The following SHROOM4 variants were observed in gnomAD, a reference collection of about 807,000 sequenced individuals.
SHROOM4 encodes the protein protein Shroom4.
In SHROOM4, 17 loss-of-function variants were observed where a neutral mutation model predicts 80.3. The ratio of observed to expected loss-of-function variants is 0.21; its 90% CI spans 0.14 to 0.32. The LOEUF (loss-of-function observed/expected upper bound fraction) is 0.32. Among genes scored for constraint, SHROOM4 ranks in the 10% least tolerant of loss-of-function variants. The pLI is 1.00. For missense variants in SHROOM4, 993 were observed against 1,140.3 expected (o/e 0.87, Z 1.86); for synonymous variants, 400 against 437.5 (o/e 0.91, Z 1.07).
At chrX:50,740,444 T>G (rs1003079613) in intron 1 of SHROOM4, among the ~76,000 whole-genome samples, 1 of 111,490 alleles carries the variant, frequency 9.0e-6, no homozygotes, top group Non-Finnish European at 1.9e-5. Flanking sequence ...ACAAAAGATA[T>G]GAAGCAAAAA....
At chrX:50,807,901 T>C (rs147344444) in intron 1 of SHROOM4, among the ~76,000 whole-genome samples, 5 of 111,792 alleles carry the variant, frequency 4.5e-5, no homozygotes, top group Non-Finnish European at 7.5e-5. Context: ...TGGTATGACA[T>C]GGCCGCCAGA....
rs1160877894 is a variant in SHROOM4 at position 50,596,564 on chromosome X, G to C, written c.*131C>G. Reference sequence around the variant, plus strand: ...ACCACTGCTAGGGAAGGGGTAGTGAGAGACATCCAGGGTAGAGGGCTGGAA... The same window carrying C: ...ACCACTGCTAGGGAAGGGGTAGTGACAGACATCCAGGGTAGAGGGCTGGAA... On this transcript the variant is annotated 3_prime_UTR_variant, in exon 9 of 9. Coordinates refer to ENST00000376020, the MANE Select transcript of SHROOM4 (RefSeq NM_020717.5). The C allele has an allele frequency of 3.3e-6, 3 of 907,870 alleles. No individual in the cohort carries two copies. In the East Asian group the frequency reaches 9.8e-5, roughly 30 times the overall value. 74.8% of individuals were successfully genotyped at this position (907,870 alleles called of 1,213,427 possible).
chrX:50,692,236 A>G (rs1557262681), intron 2 of SHROOM4, among the ~76,000 whole-genome samples: 3 of 111,423 alleles, frequency 2.7e-5, no homozygotes, highest in Non-Finnish European at 3.8e-5. Flanking sequence ...TAGTGTTCAC[A>G]CTCCCTCTAA....
intron 8 of SHROOM4, among the ~76,000 whole-genome samples, chrX:50,597,523 C>T (rs782800730): frequency 8.0e-5 from 9 of 111,846 alleles, no homozygotes; most frequent in Non-Finnish European, 1.1e-4. Flanking sequence ...GCTTTCCAAT[C>T]TCAAATACTT....
At chrX:50,719,315 A>C (rs1224563967) in intron 1 of SHROOM4, among the ~76,000 whole-genome samples, 2 of 111,079 alleles carry the variant, frequency 1.8e-5, no homozygotes, top group Non-Finnish European at 3.8e-5. Context: ...TTTTCCATAT[A>C]ACCTCCTTCA....
In SHROOM4 at chrX:50,764,283, T is replaced by C. The variant is rs146775666; in HGVS notation, c.117+49619A>G. On this transcript the variant is annotated intron_variant, in intron 1 of 8. Coordinates refer to ENST00000376020, the MANE Select transcript of SHROOM4 (RefSeq NM_020717.5). ...TCTGTACCTCCTGGTATGGAACTTC[T>C]ACCCTACAAGTGGGATCTGGGGTGG... 9.0e-3 allele frequency among the ~76,000 whole-genome samples: 1,004 copies of C among 111,163 alleles called. 13 individuals are homozygous for C. The highest frequency in any genetic ancestry group is 0.031 in the African/African-American group (941 of 30,605).
At chrX:50,785,406 C>T (rs1358709994) in intron 1 of SHROOM4, among the ~76,000 whole-genome samples, 1 of 111,589 alleles carries the variant, frequency 9.0e-6, no homozygotes, top group Non-Finnish European at 1.9e-5. Context: ...AAAAACTATT[C>T]ATAATAGCCA....
chrX:50,761,638 C>T (rs1293968904), intron 1 of SHROOM4, among the ~76,000 whole-genome samples: 1 of 111,586 alleles, frequency 9.0e-6, no homozygotes, highest in African/African-American at 3.3e-5. Context: ...CCTCGGCTTA[C>T]TGCAACCTTC....
rs371229341 is a variant in SHROOM4 at position 50,639,855 on chromosome X, G to T, written c.270-1547C>A. Among the ~76,000 whole-genome samples, 4 of 112,330 alleles carry T rather than the reference G, an allele frequency of 3.6e-5. No homozygotes were observed. In the East Asian group the frequency reaches 1.1e-3, roughly 32 times the overall value. On this transcript the variant is annotated intron_variant, in intron 2 of 8. Coordinates refer to ENST00000376020, the MANE Select transcript of SHROOM4 (RefSeq NM_020717.5). ...TAATAGGCCAGACACAGACCAGGAGGTATAGGAGGAAGGGCAGGGGAAGCT... is the reference window on the plus strand; with the variant it reads ...TAATAGGCCAGACACAGACCAGGAGTTATAGGAGGAAGGGCAGGGGAAGCT...
In SHROOM4 at chrX:50,635,330, A is replaced by G; in HGVS notation, c.743T>C (p.Leu248Pro). The stretch of plus-strand genomic sequence containing the variant: ...GGATGACATCTGAGAGCTGGGGGTC[A>G]GGTGGCCCCCATTGGTGCGCCGACT... ...GGSRRTNGGH[L>P]TPSSQMSSRP... Residue 248 changes from leucine to proline, a missense_variant, in exon 4 of 9, where the codon CTG becomes CCG. Coordinates refer to ENST00000376020, the MANE Select transcript of SHROOM4 (RefSeq NM_020717.5). 8.3e-7 allele frequency: 1 copy of G among 1,202,584 alleles called. No homozygotes were observed.
chrX:50,667,683 A>T (rs1473292213), intron 2 of SHROOM4, among the ~76,000 whole-genome samples: 1 of 112,234 alleles, frequency 8.9e-6, no homozygotes, highest in Non-Finnish European at 1.9e-5. Flanking sequence ...GAGTAAAAAA[A>T]ATCTAGTTAG....
intron 5 of SHROOM4, among the ~76,000 whole-genome samples, chrX:50,615,186 T>A (rs1303258307): frequency 9.1e-6 from 1 of 109,854 alleles, no homozygotes; most frequent in East Asian, 2.9e-4. Context: ...AACAGAAAAA[T>A]AAAGCATAAA....
intron 2 of SHROOM4, among the ~76,000 whole-genome samples, chrX:50,664,928 GAC>G (rs782486964): frequency 5.7e-4 from 57 of 100,481 alleles, no homozygotes; most frequent in East Asian, 9.3e-4. Flanking sequence ...ACACCACACA[GAC>G]ACACACACAC....
rs1928853946 is a variant in SHROOM4 at position 50,590,608 on chromosome X, A to C, written c.*6087T>G. Among the ~76,000 whole-genome samples the C allele has an allele frequency of 9.0e-6, 1 of 111,492 alleles. No individual in the cohort carries two copies. The highest frequency in any genetic ancestry group is 3.3e-5 in the African/African-American group (1 of 30,627). On this transcript the variant is annotated 3_prime_UTR_variant, in exon 9 of 9. Coordinates refer to ENST00000376020, the MANE Select transcript of SHROOM4 (RefSeq NM_020717.5). ...ACAGCCACAAGGTAGCCATCTGCAA[A>C]CCATAAAGTGGGCCCTCACAAGGCA...
intron 2 of SHROOM4, among the ~76,000 whole-genome samples, chrX:50,651,088 A>C (rs782192416): frequency 4.3e-4 from 48 of 111,339 alleles, no homozygotes; most frequent in African/African-American, 1.5e-3. Flanking sequence ...GTGTTGAAAC[A>C]AACAAACAAA....
At chrX:50,736,004 CAAA>C (rs1191157869) in intron 1 of SHROOM4, among the ~76,000 whole-genome samples, 1 of 65,339 alleles carries the variant, frequency 1.5e-5, no homozygotes, top group African/African-American at 5.7e-5. Context: ...GAGACTGTTT[CAAA>C]AAAAAAAAAA....
intron 1 of SHROOM4, among the ~76,000 whole-genome samples, chrX:50,741,216 T>C (rs1934647313): frequency 9.0e-6 from 1 of 110,656 alleles, no homozygotes; most frequent in African/African-American, 3.3e-5. Flanking sequence ...CTCTCACTTA[T>C]ATGTGGAATC....
At position 50,681,781 on chromosome X, in the gene SHROOM4, C is replaced by A. The variant is rs138221826; in HGVS notation, c.269+14005G>T. ...AAAGGCTATTTTGTTCACTGATATA[C>A]CCCCAGTTCCTAAAATAGTACCCGA... On this transcript the variant is annotated intron_variant, in intron 2 of 8. Coordinates refer to ENST00000376020, the MANE Select transcript of SHROOM4 (RefSeq NM_020717.5). Among the ~76,000 whole-genome samples the A allele has an allele frequency of 6.3e-3, 707 of 112,202 alleles. 6 individuals carry two copies. The highest frequency in any genetic ancestry group is 0.022 in the African/African-American group (674 of 30,897).
intron 2 of SHROOM4, among the ~76,000 whole-genome samples, chrX:50,681,726 T>C (rs923604794): frequency 3.6e-5 from 4 of 112,468 alleles, no homozygotes; most frequent in Non-Finnish European, 5.6e-5. Flanking sequence ...ACTTCTCCCA[T>C]TCCTGTTAGA....
Sources: gnomAD v4.1 joint callset for allele counts (sites outside exome capture counted in the v4.1 genomes callset) on GRCh38, gnomAD v4.1.1 for gene constraint, MANE v1.5 for transcripts, NCBI Gene and HGNC (gene_info 2026-07-23, HGNC 2026-07-21) for gene names.